NEK6: variants seen among roughly 807,000 people sequenced by gnomAD.
NEK6 encodes NIMA related kinase 6, also known as serine/threonine-protein kinase Nek6.
In NEK6, 27 loss-of-function variants were observed where a neutral mutation model predicts 43.5. The ratio of observed to expected loss-of-function variants is 0.62; its 90% CI spans 0.46 to 0.86. The LOEUF (loss-of-function observed/expected upper bound fraction) is 0.86, where lower values mean the gene tolerates loss of function less well. Among genes scored for constraint, NEK6 ranks in the 40% least tolerant of loss-of-function variants. The probability of loss-of-function intolerance (pLI) is 0.00; values close to 1 mark genes in which losing one functional copy is unlikely to be tolerated. For missense variants in NEK6, 318 were observed against 414.4 expected (o/e 0.77, Z 2.02); for synonymous variants, 167 against 164.1 (o/e 1.02, Z -0.14).
chr9:124,312,687 G>A (rs1833597257), intron 3 of NEK6, 38 bp downstream of exon 3: 1 of 1,588,280 alleles, frequency 6.3e-7, no homozygotes, highest in Non-Finnish European at 8.6e-7. Context: ...CTGCATCTCG[G>A]GAGGTGGTCT....
At chr9:124,332,346 C>A (rs1333956803) in intron 7 of NEK6, among the ~76,000 whole-genome samples, 1 of 152,152 alleles carries the variant, frequency 6.6e-6, no homozygotes, top group African/African-American at 2.4e-5. Flanking sequence ...GAGAGGGAAA[C>A]CAAGTCTGCA....
chr9:124,339,540 A>AT, intron 7 of NEK6, 31 bp from the exon 8 acceptor site: 1 of 1,534,106 alleles, frequency 6.5e-7, no homozygotes. Flanking sequence ...TACATGGAGC[A>AT]TAAGCAGCCC....
chr9:124,311,058 A>G (rs1833501781), intron 2 of NEK6, among the ~76,000 whole-genome samples: 3 of 152,230 alleles, frequency 2.0e-5, no homozygotes, highest in Admixed American at 2.0e-4. Flanking sequence ...AGACCTGCCC[A>G]GGAGACGTGC....
chr9:124,311,408 A>G (rs932215691), intron 2 of NEK6, among the ~76,000 whole-genome samples: 1 of 152,128 alleles, frequency 6.6e-6, no homozygotes, highest in African/African-American at 2.4e-5. Flanking sequence ...CCATCTCACC[A>G]TAGGGCAGGC....
At chr9:124,284,855 C>G (rs1372163645) in intron 1 of NEK6, among the ~76,000 whole-genome samples, 4 of 152,228 alleles carry the variant, frequency 2.6e-5, no homozygotes, top group Non-Finnish European at 4.4e-5. Context: ...GCCCCTGCCT[C>G]TGCTGTCTCC....
rs1465974668 is a variant in NEK6, at chr9:124,302,005, C to G, written c.41C>G (p.Ser14Cys). 1.2e-6 allele frequency: 2 copies of G among 1,605,972 alleles called. No homozygotes were observed. The highest frequency in any genetic ancestry group is 1.1e-5 in the South Asian group (1 of 89,336). The stretch of plus-strand genomic sequence containing the variant: ...GGCCACATGCCCCATGGAGGGAGTT[C>G]CAACAACCTCTGCCACACCCTGGGG... ...QPGHMPHGGS[S>C]NNLCHTLGPV... The change falls in exon 2 of 10, where the codon TCC becomes TGC. Residue 14 changes from serine to cysteine, a missense_variant. By Grantham distance (112) the Ser-to-Cys change is moderately radical. Around this residue, in one of 2 missense-constraint regions of NEK6, gnomAD observed 239 missense variants for 344.4 expected, o/e 0.69. Coordinates refer to ENST00000320246, the MANE Select transcript of NEK6 (RefSeq NM_014397.6).
chr9:124,271,337 T>C (rs1831427576), intron 1 of NEK6, among the ~76,000 whole-genome samples: 1 of 152,148 alleles, frequency 6.6e-6, no homozygotes, highest in South Asian at 2.1e-4. Context: ...GGTGAGGAGC[T>C]TGGATTCCAC....
In NEK6 at chr9:124,323,624, G is replaced by A. The variant is rs143519206; in HGVS notation, c.405+2055G>A. On this transcript the variant is annotated intron_variant, in intron 5 of 9. Transcript: ENST00000320246. ...CAGACACTGTGGCCTCTCAGTCCAC[G>A]GAGTGGGGCTGCCGTCAGACAGGCA... is the stretch of plus-strand genomic sequence containing the variant. Among the ~76,000 whole-genome samples the A allele has an allele frequency of 4.1e-3, 631 of 152,228 alleles. 1 individual carries two copies. Among genetic ancestry groups the A allele is most frequent in the African/African-American group, 0.013 (552 of 41,532 alleles).
At chr9:124,283,373 T>A (rs1832009638) in intron 1 of NEK6, among the ~76,000 whole-genome samples, 1 of 152,186 alleles carries the variant, frequency 6.6e-6, no homozygotes, top group African/African-American at 2.4e-5. Flanking sequence ...CTTCCCCACG[T>A]CCTAGGACAC....
At chr9:124,299,722 C>T (rs1452909112) in intron 1 of NEK6, among the ~76,000 whole-genome samples, 1 of 152,110 alleles carries the variant, frequency 6.6e-6, no homozygotes, top group Non-Finnish European at 1.5e-5. Flanking sequence ...CTCCGTGTGA[C>T]ACTGATCTGA....
chr9:124,269,434 C>T (rs897603714), intron 1 of NEK6, among the ~76,000 whole-genome samples: 3 of 151,838 alleles, frequency 2.0e-5, no homozygotes, highest in African/African-American at 7.3e-5. Context: ...AGTGCAATGG[C>T]ACGATCTTGG....
At chr9:124,292,980 CG>C in intron 1 of NEK6, 3 of 1,575,158 alleles carry the variant, frequency 1.9e-6, no homozygotes, top group Non-Finnish European at 2.6e-6. Flanking sequence ...AGCTCATTTC[CG>C]GCAGGAGGAG....
At chr9:124,297,359 C>T (rs1330553451) in intron 1 of NEK6, among the ~76,000 whole-genome samples, 1 of 152,190 alleles carries the variant, frequency 6.6e-6, no homozygotes, top group African/African-American at 2.4e-5. Context: ...TACAGTGACC[C>T]TAAGAGGAAG....
chr9:124,287,413 C>G (rs1832215416), intron 1 of NEK6, among the ~76,000 whole-genome samples: 1 of 152,220 alleles, frequency 6.6e-6, no homozygotes, highest in Non-Finnish European at 1.5e-5. Flanking sequence ...GTCGTGGCCA[C>G]TCCTGAGCCC....
upstream of NEK6, chr9:124,257,744 C>T (rs1257066775): frequency 5.9e-6 from 9 of 1,522,526 alleles, no homozygotes; most frequent in African/African-American, 2.8e-5. Context: ...CTCAGTCTTC[C>T]CATCTCTGAA....
rs1380034954 is a variant in NEK6 at position 124,352,347 on chromosome 9, G to GTCTC, written c.*1403_*1406dup. 2 of 152,264 alleles carry GTCTC rather than the reference G, an allele frequency of 1.3e-5. No individual in the cohort carries two copies. The highest frequency in any genetic ancestry group is 1.3e-4 in the Admixed American group (2 of 15,288). 9.4% of individuals were successfully genotyped at this position (152,264 alleles called of 1,614,324 possible). ...CTGCTGTGACACCGTCAGCCCGACA[G>GTCTC]TCTCTCCATATGCAGCCTTTCCTCT... On this transcript the variant is annotated 3_prime_UTR_variant, in exon 10 of 10. Transcript: ENST00000320246.
At chr9:124,263,712 C>G (rs1015133818) in intron 1 of NEK6, among the ~76,000 whole-genome samples, 12 of 152,200 alleles carry the variant, frequency 7.9e-5, no homozygotes. Context: ...GGGGACCCCT[C>G]TGGATTCCAC....
chr9:124,290,129 C>T (rs1386471278), intron 1 of NEK6, among the ~76,000 whole-genome samples: 1 of 152,236 alleles, frequency 6.6e-6, no homozygotes, highest in East Asian at 1.9e-4. Context: ...GCAAAGAAGA[C>T]GCCGCCACCT....
At position 124,312,523 on chromosome 9, in the gene NEK6, G is replaced by A. The variant is rs116276253; in HGVS notation, c.105G>A (p.Thr35=). ...CCCCGTTCCAGAGGCATCCCAACAC[G>A]CTGTCTTTTCGCTGCTCGCTGGCGG... The part of the protein sequence containing the change: ...HPPDPQRHPN[T]LSFRCSLADF... The change falls in exon 3 of 10, where the codon ACG becomes ACA. Residue 35 remains threonine (T), a synonymous_variant. Coordinates refer to ENST00000320246, the MANE Select transcript of NEK6 (RefSeq NM_014397.6). 2.7e-3 allele frequency: 4,361 copies of A among 1,613,888 alleles called. 104 individuals carry two copies. In the African/African-American group the frequency reaches 0.052, roughly 19 times the overall value.
Sources: allele counts gnomAD v4.1 joint callset (sites outside exome capture counted in the v4.1 genomes callset), GRCh38; gene constraint gnomAD v4.1.1; regional missense constraint gnomAD v4.1.1; transcripts MANE v1.5; gene names NCBI Gene and HGNC (gene_info 2026-07-23, HGNC 2026-07-21).